The following AMACR variants were observed in gnomAD, a reference collection of about 807,000 sequenced individuals.
The protein encoded by AMACR is alpha-methylacyl-CoA racemase.
A neutral mutation model predicts 22.2 loss-of-function variants in AMACR; 18 were observed. That is an observed-to-expected ratio of 0.81 (90% CI 0.56 to 1.20). AMACR has a LOEUF of 1.20. AMACR is among the 50% of genes most tolerant of loss of function. The pLI, the probability that AMACR is intolerant of heterozygous loss-of-function variation, is 0.00. For synonymous variants in AMACR, 213 were observed against 191.3 expected (o/e 1.11, Z -0.94); for missense variants, 499 against 490.6 (o/e 1.02, Z -0.16).
chr5:34,006,594 C>T (rs1032097474), intron 1 of AMACR, among the ~76,000 whole-genome samples: 1 of 152,206 alleles, frequency 6.6e-6, no homozygotes, highest in Non-Finnish European at 1.5e-5. Flanking sequence ...GTCACAACTC[C>T]TCACCCGGAG....
At chr5:33,998,541 T>C in intron 4 of AMACR, 100 bp downstream of exon 4, 6 of 1,251,782 alleles carry the variant, frequency 4.8e-6, no homozygotes, top group South Asian at 1.6e-5. Flanking sequence ...AAAGTGGCTA[T>C]ATAATAAAAG....
In AMACR at chr5:34,005,832, G is replaced by A. The variant is rs756291524; in HGVS notation, c.315C>T (p.Ala105=). 3 of 1,614,050 alleles carry A rather than the reference G, an allele frequency of 1.9e-6. No individual in the cohort carries two copies. Among genetic ancestry groups the A allele is most frequent in the Non-Finnish European group, 8.5e-7 (1 of 1,180,020 alleles). ...LQRENPRLIY[A]RLSGFGQSGS... ...CTGACTGGCCAAATCCACTCAGCCT[G>A]GCATAAATAAGCCTTGGATTTTCCC... is the stretch of plus-strand genomic sequence containing the variant. The change falls in exon 2 of 5, where the codon GCC becomes GCT. Residue 105 remains alanine, a synonymous_variant. Transcript: ENST00000335606.
At chr5:34,005,708 C>A (rs755097743) in intron 2 of AMACR, 48 bp downstream of exon 2, 1 of 1,603,366 alleles carries the variant, frequency 6.2e-7, no homozygotes, top group Non-Finnish European at 8.5e-7. Context: ...ACCTGTAGAT[C>A]TTGATGGAAT....
rs1753682978 is a variant in AMACR at position 33,997,597 on chromosome 5, C to T, written c.739+1044G>A. ...CTGCAGGTGGCAGTGTTCATGGCTC[C>T]ACAGAGCTCCACCAGAGCATCATGA... On this transcript the variant is annotated intron_variant, in intron 4 of 4. Transcript: ENST00000335606. 7 of 751,926 alleles carry T rather than the reference C, an allele frequency of 9.3e-6. No individual in the cohort carries two copies. In the South Asian group the frequency reaches 1.0e-4, roughly 11 times the overall value. 46.6% of individuals were successfully genotyped at this position (751,926 alleles called of 1,614,324 possible).
intron 4 of AMACR, among the ~76,000 whole-genome samples, 181 bp from the exon 5 acceptor site, chr5:33,989,683 C>G (rs1226167091): frequency 1.3e-5 from 2 of 152,094 alleles, no homozygotes; most frequent in Non-Finnish European, 2.9e-5. Flanking sequence ...CTAGAGAGGG[C>G]AGAGGTAGTC....
At chr5:33,991,305 C>A (rs1163141512) in intron 4 of AMACR, among the ~76,000 whole-genome samples, 2 of 152,174 alleles carry the variant, frequency 1.3e-5, no homozygotes, top group Non-Finnish European at 2.9e-5. Flanking sequence ...TGACCCTGAC[C>A]AAGGCCACAG....
At chr5:34,005,449 TC>T (rs1424442817) in intron 2 of AMACR, among the ~76,000 whole-genome samples, 41 of 152,172 alleles carry the variant, frequency 2.7e-4, no homozygotes, top group African/African-American at 9.4e-4. Flanking sequence ...AGAGCAACCA[TC>T]CGTAGTACCC....
Position 33,999,836 on chromosome 5 carries a change from T to G in AMACR, c.553-1009A>C, listed in dbSNP as rs150852802. On this transcript the variant is annotated intron_variant, in intron 3 of 4. Coordinates refer to ENST00000335606, the MANE Select transcript of AMACR (RefSeq NM_014324.6). ...GGCTGTGACATTTATTGTCACCAAATAGCTGAGTTCATGCAAGTGGCCTAC... is the reference window on the plus strand; with the variant it reads ...GGCTGTGACATTTATTGTCACCAAAGAGCTGAGTTCATGCAAGTGGCCTAC... Among the ~76,000 whole-genome samples, 15 of 152,350 alleles carry G rather than the reference T, an allele frequency of 9.8e-5. No homozygotes were observed. In the East Asian group the frequency reaches 2.9e-3, roughly 29 times the overall value.
intron 4 of AMACR, among the ~76,000 whole-genome samples, chr5:33,990,868 T>G (rs1753451956): frequency 6.6e-6 from 1 of 152,234 alleles, no homozygotes; most frequent in African/African-American, 2.4e-5. Flanking sequence ...AACAGCCTCC[T>G]GTGGGATATA....
At chr5:33,999,977 TTTTATG>T (rs1230751621) in intron 3 of AMACR, among the ~76,000 whole-genome samples, 1 of 152,232 alleles carries the variant, frequency 6.6e-6, no homozygotes, top group African/African-American at 2.4e-5. Context: ...TTTAAATATA[TTTTATG>T]TTTATGTTAT....
In AMACR at chr5:33,989,501, T is replaced by A; in HGVS notation, c.741A>T (p.Gly247=). The A allele has an allele frequency of 2.5e-6, 4 of 1,612,934 alleles. No homozygotes were observed. Among genetic ancestry groups the A allele is most frequent in the Non-Finnish European group, 3.4e-6 (4 of 1,178,900 alleles). The part of the protein sequence containing the change: ...EPQFYELLIK[G]LGLKSDELPN... ...GAAGTTCATCAGACTTTAGTCCAAG[T>A]CCTGAGGAAAAATACAATTTCCTAA... Residue 247 remains glycine, a splice_region_variant and synonymous_variant, in exon 5 of 5, where the codon GGA becomes GGT. Coordinates refer to ENST00000335606, the MANE Select transcript of AMACR (RefSeq NM_014324.6).
At chr5:34,002,987 G>A (rs182207528) in intron 3 of AMACR, among the ~76,000 whole-genome samples, 1 of 152,290 alleles carries the variant, frequency 6.6e-6, no homozygotes, top group East Asian at 1.9e-4. Flanking sequence ...GTTTCTGGTA[G>A]AAAATGGATT....
rs540303502 is a variant in AMACR, at chr5:33,990,602, T to C, written c.740-1100A>G. On this transcript the variant is annotated intron_variant, in intron 4 of 4. Transcript: ENST00000335606. ...AAGCGGGCTTTTAAAAGTGCATGGC[T>C]AAGTGTCGAATGATAATGAAAGGCC... 4.3e-4 allele frequency among the ~76,000 whole-genome samples: 65 copies of C among 152,356 alleles called. 1 individual carries two copies. The highest frequency in any genetic ancestry group is 1.5e-3 in the African/African-American group (64 of 41,590).
chr5:34,007,806 G>A lies in AMACR; in HGVS notation c.214C>T (p.Arg72Trp). Residue 72 changes from arginine (R) to tryptophan (W), a missense_variant, in exon 1 of 5, where the codon CGG (arginine) becomes TGG (tryptophan). Transcript: ENST00000335606. ...GAAVLRRLCK[R>W]SDVLLEPFRR... ...AAGGGCTCCAGCAGCACATCCGACCGCTTGCACAGACGCCGCAGCACGGCG... is the reference window on the plus strand; with the variant it reads ...AAGGGCTCCAGCAGCACATCCGACCACTTGCACAGACGCCGCAGCACGGCG... 6.4e-7 allele frequency: 1 copy of A among 1,574,052 alleles called. No homozygotes were observed. The highest frequency in any genetic ancestry group is 8.6e-7 in the Non-Finnish European group (1 of 1,164,586).
intron 3 of AMACR, among the ~76,000 whole-genome samples, chr5:33,999,266 C>G (rs1395612585): frequency 6.6e-6 from 1 of 152,178 alleles, no homozygotes; most frequent in African/African-American, 2.4e-5. Flanking sequence ...GATGTATAAA[C>G]CATACCACAT....
chr5:33,987,545 T>C lies in AMACR; in HGVS notation c.*1548A>G, dbSNP rs1318060052. On this transcript the variant is annotated 3_prime_UTR_variant, in exon 5 of 5. Transcript: ENST00000335606. ...GACATCACGTGAACTACTAGTGAGG[T>C]AGTTCATTCTTTCAACATAAGATTG... 1 of 152,196 alleles carries C rather than the reference T, an allele frequency of 6.6e-6. No homozygotes were observed. Among genetic ancestry groups the C allele is most frequent in the East Asian group, 1.9e-4 (1 of 5,198 alleles). 9.4% of individuals were successfully genotyped at this position (152,196 alleles called of 1,614,324 possible).
rs1467156458 is a variant in AMACR, at chr5:33,988,180, T to A, written c.*913A>T. The A allele has an allele frequency of 5.0e-6, 4 of 806,590 alleles. No individual in the cohort carries two copies. Among genetic ancestry groups the A allele is most frequent in the Non-Finnish European group, 7.7e-6 (4 of 522,216 alleles). The allele number at this position is 806,590 out of a possible 1,614,324, so 50.0% of individuals were successfully genotyped here. A position where few individuals can be genotyped will look rare whatever the true frequency, so the allele number is the denominator to read the frequency against. On this transcript the variant is annotated 3_prime_UTR_variant, in exon 5 of 5. Transcript: ENST00000335606. ...TTTAGGAAGTTGAGTCCAGGGAAGC[T>A]CCAGGAGCAGGCTGGTTTTATGTAA...
intron 4 of AMACR, 79 bp from the exon 5 acceptor site, chr5:33,989,581 A>AATTATAAT: frequency 8.5e-7 from 1 of 1,174,682 alleles, no homozygotes; most frequent in Non-Finnish European, 1.3e-6. Context: ...TGCTGAGCCC[A>AATTATAAT]CTGTACTATG....
intron 4 of AMACR, chr5:33,997,549 T>A: frequency 1.3e-6 from 1 of 777,238 alleles, no homozygotes; most frequent in Non-Finnish European, 2.4e-6. Context: ...AGAAAATGAA[T>A]ATCATTTGCT....
Sources: allele counts gnomAD v4.1 joint callset (sites outside exome capture counted in the v4.1 genomes callset), GRCh38; gene constraint gnomAD v4.1.1; transcripts MANE v1.5; gene names NCBI Gene and HGNC (gene_info 2026-07-23, HGNC 2026-07-21).